The following ASPG variants were observed in gnomAD, a reference collection of about 807,000 sequenced individuals.
ASPG encodes the protein 60 kDa lysophospholipase.
A neutral mutation model predicts 63.2 loss-of-function variants in ASPG; 53 were observed. The observed-to-expected ratio is 0.84, with a 90% CI of 0.67 to 1.05. The LOEUF (loss-of-function observed/expected upper bound fraction) is 1.05. ASPG is among the 50% of genes least tolerant of loss of function. ASPG has a pLI of 0.00. For missense variants in ASPG, 741 were observed against 794.4 expected, an observed-to-expected ratio of 0.93 and a Z score of 0.81; for synonymous variants, 370 against 355.0, an observed-to-expected ratio of 1.04 and a Z score of -0.48.
At chr14:104,105,280 G>A (rs1322065690) in intron 9 of ASPG, 48 bp from the exon 10 acceptor site, 5 of 1,612,272 alleles carry the variant, frequency 3.1e-6, no homozygotes, top group Non-Finnish European at 4.2e-6. Flanking sequence ...GTCCTGGGCT[G>A]CCCATCCAGC....
intron 12 of ASPG, among the ~76,000 whole-genome samples, 160 bp downstream of exon 12, chr14:104,107,505 G>A (rs1021216090): frequency 2.0e-5 from 3 of 152,170 alleles, no homozygotes; most frequent in African/African-American, 4.8e-5. Flanking sequence ...GTAAGACCCC[G>A]GCCCAGAGTT....
At chr14:104,092,455 G>T (rs1308372161) in intron 1 of ASPG, among the ~76,000 whole-genome samples, 178 bp from the exon 2 acceptor site, 1 of 152,170 alleles carries the variant, frequency 6.6e-6, no homozygotes, top group African/African-American at 2.4e-5. Flanking sequence ...TCCAAACGCG[G>T]GTCAGCCGCC....
intron 9 of ASPG, 39 bp from the exon 10 acceptor site, chr14:104,105,289 G>A: frequency 6.2e-7 from 1 of 1,612,468 alleles, no homozygotes; most frequent in East Asian, 2.2e-5. Flanking sequence ...TGCCCATCCA[G>A]CCCTGGCAGA....
intron 14 of ASPG, 98 bp from the exon 15 acceptor site, chr14:104,111,822 G>A: frequency 3.2e-6 from 4 of 1,236,626 alleles, no homozygotes; most frequent in Non-Finnish European, 4.5e-6. Context: ...TGTGTGTGTG[G>A]GCTGGGGACA....
chr14:104,099,769 G>A (rs866138163), intron 6 of ASPG, among the ~76,000 whole-genome samples: 1 of 152,220 alleles, frequency 6.6e-6, no homozygotes, highest in Non-Finnish European at 1.5e-5. Context: ...GCCCCCTGCT[G>A]TTTCAAGGCA....
chr14:104,111,740 C>T lies in ASPG; in HGVS notation c.1620+139C>T, dbSNP rs530203475. ...TGCCTGGCCCTCCCCATGCAGGACC[C>T]GCACAGACTGGGTCCCCTTCCCGGG... On this transcript the variant is annotated intron_variant, in intron 14 of 15. Transcript: ENST00000551177. 701 of 894,586 alleles carry T rather than the reference C, an allele frequency of 7.8e-4. 8 individuals are homozygous for T. The South Asian group carries it at 0.011, about 14-fold the overall frequency. 55.4% of individuals were successfully genotyped at this position (894,586 alleles called of 1,614,324 possible).
At chr14:104,093,436 A>T in intron 2 of ASPG, 55 bp from the exon 3 acceptor site, 1 of 1,457,572 alleles carries the variant, frequency 6.9e-7, no homozygotes, top group African/African-American at 1.4e-5. Context: ...TTAGAGCAGG[A>T]GGAGGTGCAG....
At chr14:104,106,940 C>G (rs765007285) in intron 11 of ASPG, 46 bp downstream of exon 11, 1 of 1,523,406 alleles carries the variant, frequency 6.6e-7, no homozygotes, top group African/African-American at 1.4e-5. Flanking sequence ...CACGCCTGGC[C>G]TGGGGGCTCT....
chr14:104,112,041 G>A lies in ASPG; in HGVS notation c.1701+41G>A, dbSNP rs770340776. The A allele has an allele frequency of 1.8e-5, 28 of 1,526,320 alleles. No individual in the cohort carries two copies. The African/African-American group carries it at 2.2e-4, about 12-fold the overall frequency. 94.5% of individuals were successfully genotyped at this position (1,526,320 alleles called of 1,614,324 possible). On this transcript the variant is annotated intron_variant, in intron 15 of 15. Coordinates refer to ENST00000551177, the MANE Select transcript of ASPG (RefSeq NM_001080464.3). ...AGGCGGGGCTGACACCCCCCAGTGA[G>A]CTTCTAGTGCAGGGCTGGATCCTGG...
At chr14:104,108,322 G>T (rs2037232941) in intron 12 of ASPG, 1 of 816,136 alleles carries the variant, frequency 1.2e-6, no homozygotes, top group Non-Finnish European at 1.5e-6. Context: ...TCTAGACTGG[G>T]CGTCCTTGGG....
At position 104,098,833 on chromosome 14, in the gene ASPG, C is replaced by G. The variant is rs767641797; in HGVS notation, c.514-20C>G. The G allele has an allele frequency of 6.2e-7, 1 of 1,611,720 alleles. No homozygotes were observed. The highest frequency in any genetic ancestry group is 8.5e-7 in the Non-Finnish European group (1 of 1,179,172). On this transcript the variant is annotated intron_variant, in intron 5 of 15. Coordinates refer to ENST00000551177, the MANE Select transcript of ASPG (RefSeq NM_001080464.3). ...GACAGGGTGGCCGCTGCTCTGAACT[C>G]TGTCGCTCCGTTCCCGCAGGTCTGC...
At chr14:104,096,373 G>A (rs1458524980) in intron 4 of ASPG, among the ~76,000 whole-genome samples, 1 of 152,142 alleles carries the variant, frequency 6.6e-6, no homozygotes, top group Non-Finnish European at 1.5e-5. Context: ...GTTCCAGAAA[G>A]CTCCATGGAG....
intron 13 of ASPG, 77 bp from the exon 14 acceptor site, chr14:104,111,425 C>T (rs2037377973): frequency 1.5e-6 from 2 of 1,325,850 alleles, no homozygotes; most frequent in South Asian, 2.6e-5. Flanking sequence ...GTCCAGGCCA[C>T]CTGGGGGACA....
chr14:104,106,115 G>A (rs920806114), intron 10 of ASPG, among the ~76,000 whole-genome samples: 6 of 152,264 alleles, frequency 3.9e-5, no homozygotes, highest in African/African-American at 4.8e-5. Context: ...TTGCTGGGGC[G>A]GGTGATGGGC....
intron 1 of ASPG, among the ~76,000 whole-genome samples, chr14:104,087,098 G>A (rs953053691): frequency 1.3e-5 from 2 of 152,160 alleles, no homozygotes; most frequent in African/African-American, 2.4e-5. Context: ...ACTGTGGCCG[G>A]TGCAGACCCC....
intron 6 of ASPG, among the ~76,000 whole-genome samples, chr14:104,102,246 G>T (rs541346096): frequency 1.7e-4 from 26 of 152,208 alleles, no homozygotes; most frequent in Non-Finnish European, 3.4e-4. Context: ...TCTGGTGGGG[G>T]TGGAAGACTC....
intron 4 of ASPG, among the ~76,000 whole-genome samples, chr14:104,096,475 A>G (rs941954): frequency 0.47 from 70,872 of 151,936 alleles, 18,672 homozygotes; most frequent in Non-Finnish European, 0.58. Flanking sequence ...GTCCCTCCAG[A>G]GTCTCCCCAG....
At chr14:104,103,867 C>T (rs1005834908) in intron 7 of ASPG, among the ~76,000 whole-genome samples, 192 bp downstream of exon 7, 2 of 152,254 alleles carry the variant, frequency 1.3e-5, no homozygotes, top group Admixed American at 6.5e-5. Flanking sequence ...TCCAGCCTCT[C>T]GGGGAGTGGG....
intron 6 of ASPG, among the ~76,000 whole-genome samples, chr14:104,099,906 G>A (rs2036795790): frequency 6.6e-6 from 1 of 152,184 alleles, no homozygotes; most frequent in South Asian, 2.1e-4. Context: ...GGCTGGGTGG[G>A]GCTGCCTGCC....
Sources: gnomAD v4.1 joint callset for allele counts (sites outside exome capture counted in the v4.1 genomes callset) on GRCh38, gnomAD v4.1.1 for gene constraint, MANE v1.5 for transcripts, NCBI Gene and HGNC (gene_info 2026-07-23, HGNC 2026-07-21) for gene names.